The following CDH13 variants were observed in gnomAD, a reference collection of about 807,000 sequenced individuals.
The protein encoded by CDH13 is cadherin 13.
CDH13 carries 24 observed loss-of-function variants against 63.8 expected under a neutral mutation model. The ratio of observed to expected loss-of-function variants is 0.38; its 90% CI spans 0.27 to 0.53. The LOEUF (loss-of-function observed/expected upper bound fraction) is 0.53. CDH13 is among the 20% of genes least tolerant of loss of function. The pLI is 0.85. For missense variants in CDH13, 1,049 were observed against 903.1 expected (o/e 1.16, Z -2.07); for synonymous variants, 503 against 355.3 (o/e 1.42, Z -4.67).
chr16:83,407,151 C>T (rs1046571963), intron 6 of CDH13, among the ~76,000 whole-genome samples: 3 of 152,124 alleles, frequency 2.0e-5, no homozygotes, highest in Admixed American at 2.0e-4. Context: ...CTGCAGTGAG[C>T]AAAGCAAACA....
chr16:83,332,225 A>G (rs2090496010), intron 5 of CDH13, among the ~76,000 whole-genome samples: 1 of 152,164 alleles, frequency 6.6e-6, no homozygotes, highest in Non-Finnish European at 1.5e-5. Context: ...CCTGCATTTC[A>G]GTAGTTTAAT....
At chr16:83,106,220 A>T (rs977244447) in intron 3 of CDH13, among the ~76,000 whole-genome samples, 7 of 152,220 alleles carry the variant, frequency 4.6e-5, no homozygotes, top group Non-Finnish European at 8.8e-5. Flanking sequence ...CCTTTCATTT[A>T]TAGTAAGAAA....
At chr16:83,216,384 C>T (rs1402353511) in intron 4 of CDH13, among the ~76,000 whole-genome samples, 1 of 41,482 alleles carries the variant, frequency 2.4e-5, no homozygotes, top group African/African-American at 5.6e-5. Flanking sequence ...ATGTCCTCTG[C>T]CTCCAGCATT....
intron 1 of CDH13, among the ~76,000 whole-genome samples, chr16:82,710,555 A>ATATG (rs1374447158): frequency 5.9e-4 from 46 of 78,006 alleles, no homozygotes; most frequent in Non-Finnish European, 9.1e-4. Context: ...AAAAAAAAAT[A>ATATG]TATATATATA....
At chr16:83,071,821 A>G (rs1025747630) in intron 3 of CDH13, among the ~76,000 whole-genome samples, 1 of 152,202 alleles carries the variant, frequency 6.6e-6, no homozygotes, top group Admixed American at 6.5e-5. Flanking sequence ...CAGAGTTCTG[A>G]AATAGTTTAT....
chr16:83,365,601 T>G (rs2091244281), intron 6 of CDH13, among the ~76,000 whole-genome samples: 1 of 152,150 alleles, frequency 6.6e-6, no homozygotes, highest in Admixed American at 6.5e-5. Context: ...TTAGTGTAAT[T>G]AAGGTTATTA....
At chr16:83,411,764 A>G (rs1229906141) in intron 6 of CDH13, among the ~76,000 whole-genome samples, 2 of 152,180 alleles carry the variant, frequency 1.3e-5, no homozygotes, top group Admixed American at 6.5e-5. Flanking sequence ...GGATAGTGTG[A>G]TGATGCCAGG....
At chr16:82,866,377 CTTTTTTTTTTTTTTTTTT>C (rs538206338) in intron 2 of CDH13, among the ~76,000 whole-genome samples, 3,707 of 58,600 alleles carry the variant, frequency 0.063, 168 homozygotes, top group Middle Eastern at 0.075. Context: ...TTTTCTTCTT[CTTTTTTTTTTTTTTTTTT>C]TTTTTTTTTT....
intron 7 of CDH13, among the ~76,000 whole-genome samples, chr16:83,571,068 C>T (rs571242055): frequency 2.0e-5 from 3 of 150,652 alleles, no homozygotes; most frequent in Non-Finnish European, 2.9e-5. Flanking sequence ...ACCACACTCA[C>T]CAAAGAAAGC....
Position 83,658,120 on chromosome 16 carries a change from A to G in CDH13, c.1102-12670A>G, listed in dbSNP as rs571694133. Among the ~76,000 whole-genome samples, 241 of 117,922 alleles carry G rather than the reference A, an allele frequency of 2.0e-3. 2 individuals carry two copies. Among genetic ancestry groups the G allele is most frequent in the African/African-American group, 7.1e-3 (211 of 29,750 alleles). 77.4% of individuals were successfully genotyped at this position (117,922 alleles called of 152,430 possible). ...CCATATCCTCACCACCAGGTGCCAT[A>G]TCCTCACCAGCAAGGTCTCATGTCC... is the stretch of plus-strand genomic sequence containing the variant. On this transcript the variant is annotated intron_variant, in intron 8 of 13. Coordinates refer to ENST00000567109, the MANE Select transcript of CDH13 (RefSeq NM_001257.5).
chr16:83,329,974 G>A (rs906148253), intron 5 of CDH13, among the ~76,000 whole-genome samples: 2 of 152,194 alleles, frequency 1.3e-5, no homozygotes, highest in Non-Finnish European at 2.9e-5. Context: ...TGTGAATAGT[G>A]CTGCTATGGA....
chr16:83,187,410 T>G (rs1002738478), intron 4 of CDH13, among the ~76,000 whole-genome samples: 1 of 152,180 alleles, frequency 6.6e-6, no homozygotes, highest in Non-Finnish European at 1.5e-5. Flanking sequence ...AGGTTTCATT[T>G]TTCCCGTCAT....
At chr16:83,076,298 C>A (rs1484027307) in intron 3 of CDH13, among the ~76,000 whole-genome samples, 1 of 152,032 alleles carries the variant, frequency 6.6e-6, no homozygotes, top group East Asian at 1.9e-4. Flanking sequence ...ATGACTGAAG[C>A]ATTCACCCTC....
chr16:82,860,074 A>T (rs931961601), intron 2 of CDH13, among the ~76,000 whole-genome samples: 3 of 152,122 alleles, frequency 2.0e-5, no homozygotes, highest in East Asian at 1.9e-4. Flanking sequence ...ACAGAACTTG[A>T]TTTGTGAGAA....
chr16:83,450,233 A>G (rs1445381410), intron 6 of CDH13, among the ~76,000 whole-genome samples: 1 of 152,214 alleles, frequency 6.6e-6, no homozygotes, highest in African/African-American at 2.4e-5. Context: ...TGAGGCCCAT[A>G]AGCCTGGATG....
At position 83,531,489 on chromosome 16, in the gene CDH13, G is replaced by C. The variant is rs553576855; in HGVS notation, c.960+44834G>C. The stretch of plus-strand genomic sequence containing the variant: ...ATGAGGGGTGAGGGGCTTATAAAGC[G>C]GAGTTTCCCTGCACAAGCCCTCTTC... On this transcript the variant is annotated intron_variant, in intron 7 of 13. Transcript: ENST00000567109. 2.0e-5 allele frequency among the ~76,000 whole-genome samples: 3 copies of C among 152,310 alleles called. No individual in the cohort carries two copies. The East Asian group carries it at 5.8e-4, about 29-fold the overall frequency.
At chr16:83,422,640 T>A (rs1257895188) in intron 6 of CDH13, among the ~76,000 whole-genome samples, 7 of 152,208 alleles carry the variant, frequency 4.6e-5, no homozygotes, top group Non-Finnish European at 1.5e-5. Flanking sequence ...TGGTAAAGGT[T>A]GTGACACTGC....
At chr16:83,457,990 C>T (rs997497602) in intron 6 of CDH13, among the ~76,000 whole-genome samples, 4 of 152,128 alleles carry the variant, frequency 2.6e-5, no homozygotes, top group Admixed American at 1.3e-4. Flanking sequence ...AAGAGGGTCC[C>T]GGGGGCAGAA....
At chr16:82,878,676 A>G (rs562014904) in intron 2 of CDH13, among the ~76,000 whole-genome samples, 6 of 151,104 alleles carry the variant, frequency 4.0e-5, no homozygotes, top group Admixed American at 6.7e-5. Flanking sequence ...TGTTGGTCCA[A>G]TGGCGGGGGT....
Sources: gnomAD v4.1 joint callset for allele counts (sites outside exome capture counted in the v4.1 genomes callset) on GRCh38, gnomAD v4.1.1 for gene constraint, MANE v1.5 for transcripts, NCBI Gene and HGNC (gene_info 2026-07-23, HGNC 2026-07-21) for gene names.